KIF5B: variants seen among roughly 807,000 people sequenced by gnomAD.
The protein encoded by KIF5B is kinesin-1 heavy chain.
Under a neutral mutation model 132.8 loss-of-function variants are expected in KIF5B, and 49 were observed. The ratio of observed to expected loss-of-function variants is 0.37; its 90% CI spans 0.29 to 0.47. KIF5B has a LOEUF of 0.47. Ranked by LOEUF, KIF5B falls within the 20% of genes least tolerant of loss-of-function variation. KIF5B has a pLI of 1.00. For missense variants in KIF5B, 780 were observed against 1,144.0 expected, an observed-to-expected ratio of 0.68 and a Z score of 4.59; for synonymous variants, 355 against 369.4, an observed-to-expected ratio of 0.96 and a Z score of 0.45.
rs769483155 is a variant in KIF5B, at chr10:32,024,146, CTTTTT to C, written c.1726-1115_1726-1111del. Among the ~76,000 whole-genome samples the C allele has an allele frequency of 1.9e-4, 13 of 69,748 alleles. No homozygotes were observed. In the South Asian group the frequency reaches 3.6e-3, roughly 19 times the overall value. 45.8% of individuals were successfully genotyped at this position (69,748 alleles called of 152,430 possible). A position where few individuals can be genotyped will look rare whatever the true frequency, so the allele number is the denominator to read the frequency against. On this transcript the variant is annotated intron_variant, in intron 15 of 25. Transcript: ENST00000302418. ...TTATATCCAAAACATATGAAGAACT[CTTTTT>C]TTTTTTTTTTTTTTTTTTTTTGAGA...
chr10:32,024,606 A>G (rs1022785673), intron 15 of KIF5B, among the ~76,000 whole-genome samples: 7 of 151,738 alleles, frequency 4.6e-5, no homozygotes, highest in South Asian at 2.1e-4. Flanking sequence ...GCTACTAAAA[A>G]TACAAAAAAT....
At chr10:32,028,309 C>A in intron 15 of KIF5B, 119 bp downstream of exon 15, 2 of 790,246 alleles carry the variant, frequency 2.5e-6, no homozygotes, top group South Asian at 3.8e-5. Context: ...ACATCTACTA[C>A]ACGACTGTTT....
At chr10:32,022,016 TGATTTGTTTAC>T in intron 17 of KIF5B, 113 bp downstream of exon 17, 2 of 598,368 alleles carry the variant, frequency 3.3e-6, no homozygotes, top group Middle Eastern at 5.7e-4. Context: ...TTAATATGTA[TGATTTGTTTAC>T]CATTCGAAAT....
In KIF5B at chr10:32,017,376, A is replaced by G. The variant is rs1418492799; in HGVS notation, c.2545-17T>C. On this transcript the variant is annotated splice_polypyrimidine_tract_variant and intron_variant, in intron 23 of 25. Transcript: ENST00000302418. ...ACGTACCAACTAAACGTACACAAAGAAAACAAGGATTCCAGATTTAACAGG... is the reference window on the plus strand; with the variant it reads ...ACGTACCAACTAAACGTACACAAAGGAAACAAGGATTCCAGATTTAACAGG... The G allele has an allele frequency of 1.3e-6, 2 of 1,589,890 alleles. No homozygotes were observed. Among genetic ancestry groups the G allele is most frequent in the Middle Eastern group, 1.7e-4 (1 of 6,014 alleles).
At chr10:32,055,438 G>A (rs891357627) in intron 1 of KIF5B, among the ~76,000 whole-genome samples, 1 of 152,100 alleles carries the variant, frequency 6.6e-6, no homozygotes, top group Admixed American at 6.6e-5. Context: ...AATGTCACCA[G>A]CCGATCTTTA....
At chr10:32,025,155 TAA>T (rs1014597499) in intron 15 of KIF5B, among the ~76,000 whole-genome samples, 1 of 152,146 alleles carries the variant, frequency 6.6e-6, no homozygotes, top group Admixed American at 6.5e-5. Context: ...CATACATTAG[TAA>T]AATCCCAAGA....
Position 32,050,993 on chromosome 10 carries a change from T to C in KIF5B, c.127-2442A>G, listed in dbSNP as rs78422227. The stretch of plus-strand genomic sequence containing the variant: ...CCAGCAGACATTCATTTAGTGACTA[T>C]AAAGATATGAGATATTGTAGATGAG... On this transcript the variant is annotated intron_variant, in intron 1 of 25. Transcript: ENST00000302418. Among the ~76,000 whole-genome samples, 657 of 152,324 alleles carry C rather than the reference T, an allele frequency of 4.3e-3. 3 individuals carry two copies. The highest frequency in any genetic ancestry group is 0.015 in the African/African-American group (622 of 41,564).
chr10:32,018,563 C>T lies in KIF5B; in HGVS notation c.2307-1G>A, dbSNP rs769933045. 1 of 1,608,642 alleles carries T rather than the reference C, an allele frequency of 6.2e-7. No homozygotes were observed. Among genetic ancestry groups the T allele is most frequent in the South Asian group, 1.1e-5 (1 of 90,508 alleles). ...TTGTTCTCGTCTATCTTGCATAACC[C>T]TAACAGTAGAAGAACAAACATATAT... On this transcript the variant is annotated splice_acceptor_variant, in intron 20 of 25. Coordinates refer to ENST00000302418, the MANE Select transcript of KIF5B (RefSeq NM_004521.3). LOFTEE classifies it high-confidence loss of function.
intron 2 of KIF5B, among the ~76,000 whole-genome samples, chr10:32,043,048 C>T (rs145217731): frequency 0.015 from 2,347 of 152,092 alleles, 57 homozygotes; most frequent in African/African-American, 0.052. Flanking sequence ...AGTGCAGTGG[C>T]GCAACCTCGG....
rs1371141241 is a variant in KIF5B at position 32,050,553 on chromosome 10, GA to G, written c.127-2003del. Among the ~76,000 whole-genome samples the G allele has an allele frequency of 3.3e-5, 5 of 152,294 alleles. No homozygotes were observed. In the East Asian group the frequency reaches 9.6e-4, roughly 29 times the overall value. ...GGACGACAAAGTATAACAGAGTGAG[GA>G]ACCGTGAAGGGCCTATATCCAGGCT... On this transcript the variant is annotated intron_variant, in intron 1 of 25. Coordinates refer to ENST00000302418, the MANE Select transcript of KIF5B (RefSeq NM_004521.3).
chr10:32,009,236 AGTTAGGCAAATAATTTAATTAATC>A lies in KIF5B; in HGVS notation c.*2277_*2300del, dbSNP rs1158133743. 1 of 152,220 alleles carries A rather than the reference AGTTAGGCAAATAATTTAATTAATC, an allele frequency of 6.6e-6. No individual in the cohort carries two copies. The highest frequency in any genetic ancestry group is 1.5e-5 in the Non-Finnish European group (1 of 68,028). 9.4% of individuals were successfully genotyped at this position (152,220 alleles called of 1,614,324 possible). A position where few individuals can be genotyped will look rare whatever the true frequency, so the allele number is the denominator to read the frequency against. ...AGAGTTACGCACAGTAGTTTTCTTA[AGTTAGGCAAATAATTTAATTAATC>A]GCCATGAATAAATATTCTCTTTATT... On this transcript the variant is annotated 3_prime_UTR_variant, in exon 26 of 26. Coordinates refer to ENST00000302418, the MANE Select transcript of KIF5B (RefSeq NM_004521.3).
intron 2 of KIF5B, among the ~76,000 whole-genome samples, chr10:32,041,408 G>T (rs1841537566): frequency 6.6e-6 from 1 of 151,754 alleles, no homozygotes; most frequent in South Asian, 2.1e-4. Flanking sequence ...TCTTGTATCA[G>T]TGTACATCTC....
chr10:32,028,574 A>T lies in KIF5B; in HGVS notation c.1582-3T>A. On this transcript the variant is annotated splice_polypyrimidine_tract_variant and splice_region_variant and intron_variant, in intron 14 of 25. Transcript: ENST00000302418. ...GCATCTATACTCGCTAAAGTTGCCT[A>T]AGAGAACCCAAAACAAAAAGTATAG... 3 of 1,604,932 alleles carry T rather than the reference A, an allele frequency of 1.9e-6. No homozygotes were observed. In the South Asian group the frequency reaches 3.4e-5, roughly 18 times the overall value.
chr10:32,056,356 T>G lies in KIF5B; in HGVS notation c.-383A>C. 4.4e-6 allele frequency: 1 copy of G among 227,452 alleles called. No individual in the cohort carries two copies. The highest frequency in any genetic ancestry group is 8.8e-6 in the Non-Finnish European group (1 of 113,974). The allele number at this position is 227,452 out of a possible 1,614,324, so 14.1% of individuals were successfully genotyped here. ...GCGAAGAGCAGGCCGGGCCTACCCG[T>G]CCGCCCGCTCTGCCGTCCGCTGGCC... On this transcript the variant is annotated 5_prime_UTR_variant, in exon 1 of 26. Coordinates refer to ENST00000302418, the MANE Select transcript of KIF5B (RefSeq NM_004521.3).
chr10:32,047,012 T>C (rs1478575934), intron 2 of KIF5B, among the ~76,000 whole-genome samples: 3 of 152,212 alleles, frequency 2.0e-5, no homozygotes, highest in African/African-American at 7.2e-5. Flanking sequence ...TATTTTATAA[T>C]AAAGTGTTAA....
intron 15 of KIF5B, 59 bp downstream of exon 15, chr10:32,028,369 T>C: frequency 1.5e-6 from 2 of 1,362,838 alleles, no homozygotes; most frequent in Non-Finnish European, 1.0e-6. Flanking sequence ...CTATTAGTAG[T>C]AAACAAAAGT....
intron 1 of KIF5B, among the ~76,000 whole-genome samples, chr10:32,049,841 T>C (rs561710202): frequency 3.3e-5 from 5 of 152,040 alleles, no homozygotes; most frequent in Non-Finnish European, 7.4e-5. Context: ...TAAAAAGTAC[T>C]CAATGACAAA....
At position 32,009,954 on chromosome 10, in the gene KIF5B, T is replaced by C. The variant is rs909643245; in HGVS notation, c.*1583A>G. ...TTTGACTATTAAAAAAATAAATAAA[T>C]AAATTTATATTTTAAATCAAAATTA... is the stretch of plus-strand genomic sequence containing the variant. On this transcript the variant is annotated 3_prime_UTR_variant, in exon 26 of 26. Coordinates refer to ENST00000302418, the MANE Select transcript of KIF5B (RefSeq NM_004521.3). 1.3e-5 allele frequency: 2 copies of C among 152,002 alleles called. No individual in the cohort carries two copies. The highest frequency in any genetic ancestry group is 2.4e-5 in the African/African-American group (1 of 41,440). The allele number at this position is 152,002 out of a possible 1,614,324, so 9.4% of individuals were successfully genotyped here.
intron 25 of KIF5B, among the ~76,000 whole-genome samples, chr10:32,011,963 A>G (rs1014764315): frequency 1.3e-5 from 2 of 152,186 alleles, no homozygotes; most frequent in African/African-American, 4.8e-5. Context: ...AGGGATAAAC[A>G]AGAGGTGTAT....
Sources: gnomAD v4.1 joint callset for allele counts (sites outside exome capture counted in the v4.1 genomes callset) on GRCh38, gnomAD v4.1.1 for gene constraint, MANE v1.5 for transcripts, NCBI Gene and HGNC (gene_info 2026-07-23, HGNC 2026-07-21) for gene names.